IL7: variants seen among roughly 807,000 people sequenced by gnomAD.
IL7 encodes interleukin 7.
Under a neutral mutation model 21.6 loss-of-function variants are expected in IL7, and 3 were observed. That is an observed-to-expected ratio of 0.14 (90% CI 0.06 to 0.36). The LOEUF (loss-of-function observed/expected upper bound fraction) is 0.36, where lower values mean the gene tolerates loss of function less well. Ranked by LOEUF, IL7 falls within the 10% of genes least tolerant of loss-of-function variation. IL7 has a pLI of 1.00. For missense variants in IL7, 175 were observed against 200.2 expected, an observed-to-expected ratio of 0.87 and a Z score of 0.76; for synonymous variants, 62 against 68.1, an observed-to-expected ratio of 0.91 and a Z score of 0.44.
At chr8:78,739,847 A>G (rs568563441) in intron 3 of IL7, among the ~76,000 whole-genome samples, 155 bp downstream of exon 3, 3 of 152,288 alleles carry the variant, frequency 2.0e-5, no homozygotes, top group African/African-American at 7.2e-5. Flanking sequence ...AAACAAAAAT[A>G]TAAAATTGGG....
At chr8:78,786,188 C>T (rs559589303) in intron 2 of IL7, among the ~76,000 whole-genome samples, 54 of 152,178 alleles carry the variant, frequency 3.5e-4, no homozygotes, top group African/African-American at 1.2e-3. Flanking sequence ...CATCATAGAA[C>T]CCAAACCTAA....
At chr8:78,684,279 C>T (rs184068138) in intron 4 of IL7, among the ~76,000 whole-genome samples, 4 of 152,260 alleles carry the variant, frequency 2.6e-5, no homozygotes, top group Admixed American at 6.5e-5. Context: ...CTCAGTTTCA[C>T]GTGTCTGGGG....
chr8:78,754,169 C>G (rs939419146), intron 2 of IL7, among the ~76,000 whole-genome samples: 1 of 152,170 alleles, frequency 6.6e-6, no homozygotes, highest in Non-Finnish European at 1.5e-5. Flanking sequence ...AGCCCCAAAA[C>G]TCCTTAAGCT....
rs531765065 is a variant in IL7, at chr8:78,689,525, T to A, written n.215-3578A>T. On this transcript the variant is annotated intron_variant and non_coding_transcript_variant, in intron 3 of 4. Transcript: ENST00000523959. ...ATATATCTATAAAAGTTGTATGCTT[T>A]TAGCTCTTATATCTGTAAATCATTT... 1.3e-4 allele frequency: 85 copies of A among 665,288 alleles called. No homozygotes were observed. In the African/African-American group the frequency reaches 1.5e-3, roughly 12 times the overall value. The allele number at this position is 665,288 out of a possible 1,614,324, so 41.2% of individuals were successfully genotyped here.
intron 3 of IL7, among the ~76,000 whole-genome samples, chr8:78,692,969 A>C (rs923321968): frequency 3.3e-5 from 5 of 151,962 alleles, no homozygotes; most frequent in Non-Finnish European, 7.4e-5. Context: ...CCTATGAGTG[A>C]GAACATGCGG....
chr8:78,717,357 A>C (rs767253867), downstream of IL7: 2 of 1,611,498 alleles, frequency 1.2e-6, no homozygotes, highest in Non-Finnish European at 1.7e-6. Context: ...TCTTCCCTTA[A>C]TGGTGGAAAT....
At chr8:78,709,625 G>T (rs1374539142) in intron 3 of IL7, among the ~76,000 whole-genome samples, 3 of 151,896 alleles carry the variant, frequency 2.0e-5, no homozygotes, top group Non-Finnish European at 4.4e-5. Context: ...GAGCAGGGGG[G>T]TGTTCAATCT....
chr8:78,711,995 T>G, intron 3 of IL7: 4 of 1,289,372 alleles, frequency 3.1e-6, no homozygotes, highest in Non-Finnish European at 4.0e-6. Flanking sequence ...AATAGTAATA[T>G]GGACAAGTTA....
intron 3 of IL7, among the ~76,000 whole-genome samples, chr8:78,687,758 TTACGTAAGA>T (rs1810057389): frequency 6.3e-5 from 4 of 63,014 alleles, no homozygotes; most frequent in Non-Finnish European, 1.0e-4. Context: ...TTATATATAT[TTACGTAAGA>T]CATTATATAT....
intron 3 of IL7, among the ~76,000 whole-genome samples, chr8:78,725,555 A>C (rs1811325634): frequency 1.3e-5 from 2 of 151,972 alleles, no homozygotes; most frequent in South Asian, 4.1e-4. Flanking sequence ...TGCTGTTTGC[A>C]CTCAAAAACT....
chr8:78,757,504 A>T (rs1812387692), intron 2 of IL7, among the ~76,000 whole-genome samples: 1 of 151,884 alleles, frequency 6.6e-6, no homozygotes. Flanking sequence ...TCCAACTCTT[A>T]CTGTATTGGA....
chr8:78,742,065 G>T (rs1475262795), intron 2 of IL7, among the ~76,000 whole-genome samples: 1 of 151,684 alleles, frequency 6.6e-6, no homozygotes, highest in Non-Finnish European at 1.5e-5. Flanking sequence ...TGTAATCCCA[G>T]CCCTTTGGGA....
At position 78,767,146 on chromosome 8, in the gene IL7, A is replaced by T. The variant is rs189803522; in HGVS notation, c.148-27064T>A. On this transcript the variant is annotated intron_variant, in intron 2 of 5. Coordinates refer to ENST00000263851, the MANE Select transcript of IL7 (RefSeq NM_000880.4). Reference sequence around the variant, plus strand: ...CTTTTAATGATCAGTTGATAATTTTATATAAGGGATTAAAAAAATTTTTGA... The same window carrying T: ...CTTTTAATGATCAGTTGATAATTTTTTATAAGGGATTAAAAAAATTTTTGA... 1.4e-3 allele frequency among the ~76,000 whole-genome samples: 207 copies of T among 152,118 alleles called. 2 individuals are homozygous for T. Among genetic ancestry groups the T allele is most frequent in the Non-Finnish European group, 8.8e-4 (60 of 67,938 alleles).
chr8:78,701,807 G>A (rs1047555940), intron 3 of IL7, among the ~76,000 whole-genome samples: 1 of 152,168 alleles, frequency 6.6e-6, no homozygotes, highest in African/African-American at 2.4e-5. Context: ...ATTTGCATAT[G>A]CGGAGTCAAC....
chr8:78,730,247 C>A (rs1811400859), downstream of IL7, among the ~76,000 whole-genome samples: 1 of 151,888 alleles, frequency 6.6e-6, no homozygotes, highest in Non-Finnish European at 1.5e-5. Flanking sequence ...GCAAATCAAA[C>A]CCCAGATTAT....
At chr8:78,803,459 G>A (rs933783918) in intron 1 of IL7, among the ~76,000 whole-genome samples, 4 of 152,138 alleles carry the variant, frequency 2.6e-5, no homozygotes, top group African/African-American at 9.7e-5. Context: ...CACTCTTAAT[G>A]GAACAAGCTT....
At chr8:78,803,393 T>G (rs1814158481) in intron 1 of IL7, among the ~76,000 whole-genome samples, 1 of 152,198 alleles carries the variant, frequency 6.6e-6, no homozygotes, top group Admixed American at 6.5e-5. Context: ...GATCCTCAAC[T>G]ACTTCAACTC....
At chr8:78,740,705 G>A (rs568624469) in intron 2 of IL7, among the ~76,000 whole-genome samples, 1 of 152,276 alleles carries the variant, frequency 6.6e-6, no homozygotes, top group East Asian at 1.9e-4. Flanking sequence ...ATCTGCATTA[G>A]TACTTTGAAA....
intron 3 of IL7, among the ~76,000 whole-genome samples, chr8:78,710,243 C>A (rs1361723417): frequency 6.6e-6 from 1 of 152,024 alleles, no homozygotes; most frequent in Non-Finnish European, 1.5e-5. Context: ...CTAAAAATAG[C>A]ATTCATTAAC....
Sources: allele counts gnomAD v4.1 joint callset (sites outside exome capture counted in the v4.1 genomes callset), GRCh38; gene constraint gnomAD v4.1.1; transcripts MANE v1.5; gene names NCBI Gene and HGNC (gene_info 2026-07-23, HGNC 2026-07-21).